The following ABCB1 variants were observed in gnomAD, a reference collection of about 807,000 sequenced individuals.
ABCB1 encodes ATP binding cassette subfamily B member 1, also known as ATP-dependent translocase ABCB1.
ABCB1 carries 69 observed loss-of-function variants against 142.0 expected under a neutral mutation model. The ratio of observed to expected loss-of-function variants is 0.49; its 90% CI spans 0.40 to 0.59. The LOEUF is 0.59. ABCB1 is among the 20% of genes least tolerant of loss of function. The pLI is 0.00. For synonymous variants in ABCB1, 532 were observed against 539.2 expected (o/e 0.99, Z 0.18); for missense variants, 1,326 against 1,554.7 (o/e 0.85, Z 2.47).
chr7:87,560,339 C>G (rs1205819755), intron 8 of ABCB1, among the ~76,000 whole-genome samples: 1 of 152,018 alleles, frequency 6.6e-6, no homozygotes, highest in Non-Finnish European at 1.5e-5. Flanking sequence ...GTGAATATAC[C>G]ATAGAACAAA....
chr7:87,644,017 C>T (rs139741241), intron 1 of ABCB1, among the ~76,000 whole-genome samples: 1 of 152,214 alleles, frequency 6.6e-6, no homozygotes, highest in East Asian at 1.9e-4. Flanking sequence ...TGCCACCATA[C>T]CTGGATAATT....
intron 24 of ABCB1, among the ~76,000 whole-genome samples, chr7:87,515,981 T>A (rs958684368): frequency 1.3e-5 from 2 of 152,206 alleles, no homozygotes; most frequent in Non-Finnish European, 2.9e-5. Flanking sequence ...GAATATGCAA[T>A]ACAGCTACAA....
intron 1 of ABCB1, chr7:87,650,804 A>T (rs1262571284): frequency 6.7e-7 from 1 of 1,497,094 alleles, no homozygotes; most frequent in African/African-American, 1.4e-5. Flanking sequence ...AAAAGCAACA[A>T]TAATCTTTTT....
At chr7:87,628,949 C>G (rs376905411) in intron 1 of ABCB1, 1 of 1,309,254 alleles carries the variant, frequency 7.6e-7, no homozygotes, top group Non-Finnish European at 9.8e-7. Context: ...TGTGCAGGTA[C>G]GGCAGCGCAG....
rs897917650 is a variant in ABCB1 at position 87,628,785 on chromosome 7, G to A, written c.-330-27707C>T. The A allele has an allele frequency of 1.3e-5, 15 of 1,169,250 alleles. No individual in the cohort carries two copies. The African/African-American group carries it at 2.4e-4, about 19-fold the overall frequency. The allele number at this position is 1,169,250 out of a possible 1,614,324, so 72.4% of individuals were successfully genotyped here. ...TTAAGCAGGTGTGGGGGGCGTGCGG[G>A]GTGGCACGAGACAAAAGGGGCACGG... On this transcript the variant is annotated intron_variant, in intron 1 of 28. Coordinates refer to the ABCB1 transcript ENST00000265724.
chr7:87,672,560 C>A (rs1174452616), intron 1 of ABCB1, among the ~76,000 whole-genome samples: 1 of 152,180 alleles, frequency 6.6e-6, no homozygotes. Flanking sequence ...AGGGGTCCAG[C>A]CTTCCACTTT....
intron 27 of ABCB1, among the ~76,000 whole-genome samples, chr7:87,504,761 C>T (rs1053401379): frequency 4.7e-5 from 7 of 150,202 alleles, no homozygotes; most frequent in African/African-American, 1.2e-4. Context: ...GCCAAGATTG[C>T]GCCACTGCAC....
At chr7:87,512,034 G>A (rs546587947) in intron 25 of ABCB1, among the ~76,000 whole-genome samples, 1 of 152,220 alleles carries the variant, frequency 6.6e-6, no homozygotes, top group East Asian at 1.9e-4. Flanking sequence ...GGGAGGCAAG[G>A]CTGTAGTCAG....
In ABCB1 at chr7:87,515,341, G is replaced by C. The variant is rs1447617813; in HGVS notation, c.3172C>G (p.Leu1058Val). 1.2e-6 allele frequency: 2 copies of C among 1,614,032 alleles called. No homozygotes were observed. Among genetic ancestry groups the C allele is most frequent in the Admixed American group, 3.3e-5 (2 of 60,008 alleles). The part of the protein sequence containing the change: ...PDIPVLQGLS[L>V]EVKKGQTLAL... Reference sequence around the variant, plus strand: ...AGCGTCTGGCCCTTCTTCACCTCCAGGCTCAGTCCCTGAAGCACTGGGATG... The same window carrying C: ...AGCGTCTGGCCCTTCTTCACCTCCACGCTCAGTCCCTGAAGCACTGGGATG... Residue 1058 changes from leucine (L) to valine (V), a missense_variant, in exon 25 of 28, where the codon CTG (leucine) becomes GTG (valine). Transcript: ENST00000622132.
chr7:87,652,090 C>T (rs1823634638), intron 1 of ABCB1, among the ~76,000 whole-genome samples: 1 of 151,860 alleles, frequency 6.6e-6, no homozygotes, highest in Admixed American at 6.6e-5. Context: ...GTGTGATGAT[C>T]GTATTTTTAA....
In ABCB1 at chr7:87,522,313, C is replaced by T. The variant is rs773158168; in HGVS notation, c.2686-1437G>A. Reference sequence around the variant, plus strand: ...GAAACTTTGGAGGCAGAAGCTCTGGCCCCTATGCTGGTACAGGCCAGTACT... The same window carrying T: ...GAAACTTTGGAGGCAGAAGCTCTGGTCCCTATGCTGGTACAGGCCAGTACT... On this transcript the variant is annotated intron_variant, in intron 21 of 27. Transcript: ENST00000622132. 1.2e-5 allele frequency: 9 copies of T among 760,578 alleles called. No individual in the cohort carries two copies. In the East Asian group the frequency reaches 2.0e-4, roughly 17 times the overall value. The allele number at this position is 760,578 out of a possible 1,614,324, so 47.1% of individuals were successfully genotyped here.
intron 15 of ABCB1, among the ~76,000 whole-genome samples, chr7:87,545,251 A>G (rs1293239741): frequency 6.6e-6 from 1 of 152,214 alleles, no homozygotes; most frequent in Non-Finnish European, 1.5e-5. Flanking sequence ...CATTCCATGT[A>G]TCTTATCTTC....
chr7:87,709,280 T>C (rs2130735631), intron 1 of ABCB1: 1 of 985,380 alleles, frequency 1.0e-6, no homozygotes. Context: ...AGCAACTTTC[T>C]TGACTTCATT....
At chr7:87,696,997 C>T (rs1828548728) in intron 1 of ABCB1, among the ~76,000 whole-genome samples, 1 of 152,126 alleles carries the variant, frequency 6.6e-6, no homozygotes, top group Admixed American at 6.5e-5. Flanking sequence ...TTTAAATACT[C>T]TTTGGTTTTC....
chr7:87,672,709 A>G (rs979422930), intron 1 of ABCB1, among the ~76,000 whole-genome samples: 2 of 152,268 alleles, frequency 1.3e-5, no homozygotes, highest in South Asian at 4.2e-4. Flanking sequence ...ATGGGTTCAC[A>G]AGGAGATCTC....
intron 1 of ABCB1, among the ~76,000 whole-genome samples, chr7:87,705,262 T>G (rs1445275432): frequency 6.6e-6 from 1 of 152,058 alleles, no homozygotes; most frequent in African/African-American, 2.4e-5. Flanking sequence ...CTGTCTCTAC[T>G]TAAAATATGA....
At chr7:87,562,758 G>C (rs1455184482) in intron 7 of ABCB1, among the ~76,000 whole-genome samples, 1 of 120,176 alleles carries the variant, frequency 8.3e-6, no homozygotes, top group Admixed American at 8.3e-5. Context: ...TCATGTCTGT[G>C]AAAAGAAAAA....
intron 1 of ABCB1, among the ~76,000 whole-genome samples, chr7:87,624,818 T>G: frequency 6.6e-6 from 1 of 152,092 alleles, no homozygotes; most frequent in Non-Finnish European, 1.5e-5. Flanking sequence ...CCTTATCAAA[T>G]AAGGCCCCCA....
chr7:87,608,154 C>T lies in ABCB1; in HGVS notation c.-330-7076G>A, dbSNP rs28381789. ...AAGTTTTAGAAACAAGATAACCCAA[C>T]ATTGCAGTAAAGAACATTGGCTTTA... On this transcript the variant is annotated intron_variant, in intron 1 of 28. Coordinates refer to the ABCB1 transcript ENST00000265724. Among the ~76,000 whole-genome samples the T allele has an allele frequency of 2.8e-3, 432 of 152,290 alleles. 6 individuals are homozygous for T. The East Asian group carries it at 0.05, about 18-fold the overall frequency.
Sources: gnomAD v4.1 joint callset for allele counts (sites outside exome capture counted in the v4.1 genomes callset) on GRCh38, gnomAD v4.1.1 for gene constraint, MANE v1.5 for transcripts, NCBI Gene and HGNC (gene_info 2026-07-23, HGNC 2026-07-21) for gene names.